CASKIN1: variants seen among roughly 807,000 people sequenced by gnomAD.
CASKIN1 encodes CASK interacting protein 1.
In CASKIN1, 42 loss-of-function variants were observed where a neutral mutation model predicts 117.5. That is an observed-to-expected ratio of 0.36 (90% CI 0.28 to 0.46). The LOEUF (loss-of-function observed/expected upper bound fraction) is 0.46. Among genes scored for constraint, CASKIN1 ranks in the 20% least tolerant of loss-of-function variants. The probability of loss-of-function intolerance (pLI) is 1.00; values close to 1 mark genes in which losing one functional copy is unlikely to be tolerated. For synonymous variants in CASKIN1, 1,148 were observed against 961.7 expected (o/e 1.19, Z -3.59); for missense variants, 2,083 against 2,077.3 (o/e 1.00, Z -0.05).
Position 2,187,161 on chromosome 16 carries a change from C to T in CASKIN1, c.835+5G>A. On this transcript the variant is annotated splice_donor_5th_base_variant and intron_variant, in intron 8 of 19. Coordinates refer to ENST00000343516, the MANE Select transcript of CASKIN1 (RefSeq NM_020764.4). ...CCACTGCCCCTCTGCCCTGCCTGGG[C>T]CCACCTCGCAACAGCTGCTTGATCT... 6.2e-7 allele frequency: 1 copy of T among 1,613,714 alleles called. No individual in the cohort carries two copies. The highest frequency in any genetic ancestry group is 8.5e-7 in the Non-Finnish European group (1 of 1,179,870).
At position 2,185,522 on chromosome 16, in the gene CASKIN1, T is replaced by C. The variant is rs918404848; in HGVS notation, c.1049-114A>G. On this transcript the variant is annotated intron_variant, in intron 10 of 19. Coordinates refer to ENST00000343516, the MANE Select transcript of CASKIN1 (RefSeq NM_020764.4). ...AGCCGGGGGTCCTCTCTGCCCACCA[T>C]TGTCTCCAGGGAGCTGATAGCCCCT... is the stretch of plus-strand genomic sequence containing the variant. 16 of 856,256 alleles carry C rather than the reference T, an allele frequency of 1.9e-5. No homozygotes were observed. In the African/African-American group the frequency reaches 2.2e-4, roughly 12 times the overall value. The allele number at this position is 856,256 out of a possible 1,614,324, so 53.0% of individuals were successfully genotyped here.
chr16:2,195,755 T>C (rs2141333429), intron 1 of CASKIN1, among the ~76,000 whole-genome samples: 1 of 152,294 alleles, frequency 6.6e-6, no homozygotes, highest in Non-Finnish European at 1.5e-5. Context: ...CAGCCTGCCC[T>C]GGGCTGGGCG....
In CASKIN1 at chr16:2,179,736, A is replaced by G. The variant is rs774347976; in HGVS notation, c.3632T>C (p.Leu1211Ser). Residue 1211 changes from leucine (L) to serine (S), a missense_variant, in exon 18 of 20, where the codon TTG becomes TCG. Around this residue, in one of 3 missense-constraint regions of CASKIN1, gnomAD observed 1,818 missense variants for 1,688.9 expected, o/e 1.08. Coordinates refer to ENST00000343516, the MANE Select transcript of CASKIN1 (RefSeq NM_020764.4). This position sits in a 1 kb window ranked among gnomAD's most constrained non-coding sequence, Gnocchi z 5.8. ...CCGGGCTTCGCCCTCGGGCGGGGGCAATGGGGGTAGGTGCGCCAGGTCGGT... is the reference window on the plus strand; with the variant it reads ...CCGGGCTTCGCCCTCGGGCGGGGGCGATGGGGGTAGGTGCGCCAGGTCGGT... The part of the protein sequence containing the change: ...PPTDLAHLPP[L>S]PPPEGEARKP... The G allele has an allele frequency of 6.4e-7, 1 of 1,553,958 alleles. No individual in the cohort carries two copies.
chr16:2,180,436 C>A lies in CASKIN1; in HGVS notation c.2932G>T (p.Gly978Trp). The A allele has an allele frequency of 6.4e-7, 1 of 1,565,344 alleles. No homozygotes were observed. The highest frequency in any genetic ancestry group is 1.2e-5 in the South Asian group (1 of 86,784). Residue 978 changes from glycine (G) to tryptophan (W), a missense_variant, in exon 18 of 20, where the codon GGG becomes TGG. Transcript: ENST00000343516. ...GCCCGCCGGCACTGTGCCCGGACCCCCAGCAGGCCATCCTCAGGCTCGGCG... is the reference window on the plus strand; with the variant it reads ...GCCCGCCGGCACTGTGCCCGGACCCACAGCAGGCCATCCTCAGGCTCGGCG... ...PDAEPEDGLL[G>W]VRAQCRRASD...
chr16:2,194,772 C>A (rs758484190), intron 1 of CASKIN1, among the ~76,000 whole-genome samples: 4 of 152,116 alleles, frequency 2.6e-5, no homozygotes, highest in Non-Finnish European at 4.4e-5. Flanking sequence ...AGAGTGGAAG[C>A]CCCCACACCT....
In CASKIN1 at chr16:2,179,193, G is replaced by A; in HGVS notation, c.3908C>T (p.Pro1303Leu). The change falls in exon 19 of 20, where the codon CCC becomes CTC. Residue 1303 changes from proline (P) to leucine (L), a missense_variant. Physicochemically the swap from Pro to Leu is moderately conservative, Grantham distance 98. Transcript: ENST00000343516. This position sits in a 1 kb window ranked among gnomAD's most constrained non-coding sequence, Gnocchi z 5.8. ...GSAGPSPAPS[P>L]ARQPPAALAK... Reference sequence around the variant, plus strand: ...GAGGGCGGCGGGCGGCTGTCGCGCGGGCGAGGGTGCGGGTGAAGGGCCGGC... The same window carrying A: ...GAGGGCGGCGGGCGGCTGTCGCGCGAGCGAGGGTGCGGGTGAAGGGCCGGC... The A allele has an allele frequency of 1.7e-6, 2 of 1,144,534 alleles. No individual in the cohort carries two copies. The highest frequency in any genetic ancestry group is 2.1e-6 in the Non-Finnish European group (2 of 932,068). The allele number at this position is 1,144,534 out of a possible 1,614,324, so 70.9% of individuals were successfully genotyped here. A position where few individuals can be genotyped will look rare whatever the true frequency, so the allele number is the denominator to read the frequency against.
At chr16:2,183,807 G>A (rs778465186) in intron 15 of CASKIN1, 24 bp downstream of exon 15, 29 of 1,611,170 alleles carry the variant, frequency 1.8e-5, no homozygotes, top group South Asian at 5.5e-5. Context: ...CGCAGCTGGC[G>A]CTGGCGGCGC....
At position 2,180,809 on chromosome 16, in the gene CASKIN1, G is replaced by T. The variant is rs939506196; in HGVS notation, c.2559C>A (p.Pro853=). Residue 853 remains proline (P), a synonymous_variant, in exon 18 of 20, where the codon CCC becomes CCA. Coordinates refer to ENST00000343516, the MANE Select transcript of CASKIN1 (RefSeq NM_020764.4). ...EVGPAAPGPA[P]PPVPTAVPTL... ...TGGGCACAGCCGTCGGCACGGGTGG[G>T]GGCGCAGGCCCCGGGGCAGCCGGCC... The T allele has an allele frequency of 5.0e-6, 7 of 1,397,218 alleles. No homozygotes were observed. The highest frequency in any genetic ancestry group is 6.5e-6 in the Non-Finnish European group (7 of 1,084,300). 86.6% of individuals were successfully genotyped at this position (1,397,218 alleles called of 1,614,324 possible). A position where few individuals can be genotyped will look rare whatever the true frequency, so the allele number is the denominator to read the frequency against.
chr16:2,179,476 C>T lies in CASKIN1; in HGVS notation c.3775+117G>A, dbSNP rs2141309380. On this transcript the variant is annotated intron_variant, in intron 18 of 19. Coordinates refer to ENST00000343516, the MANE Select transcript of CASKIN1 (RefSeq NM_020764.4). The surrounding 1 kb of genome is among the most constrained non-coding windows in gnomAD (Gnocchi z 5.8). The stretch of plus-strand genomic sequence containing the variant: ...GGATGGATGAGAGGGTCTGGGGACA[C>T]GTTCCCACCCCACCTGGGCTTCCAT... The T allele has an allele frequency of 2.2e-6, 3 of 1,386,224 alleles. No homozygotes were observed. The highest frequency in any genetic ancestry group is 2.8e-6 in the Non-Finnish European group (3 of 1,068,658). 85.9% of individuals were successfully genotyped at this position (1,386,224 alleles called of 1,614,324 possible). A position where few individuals can be genotyped will look rare whatever the true frequency, so the allele number is the denominator to read the frequency against.
At chr16:2,192,118 C>T (rs1391567625) in intron 1 of CASKIN1, among the ~76,000 whole-genome samples, 2 of 152,104 alleles carry the variant, frequency 1.3e-5, no homozygotes, top group African/African-American at 4.8e-5. Context: ...ATAGCAAGAC[C>T]TTGTCTCTAC....
chr16:2,194,159 G>A (rs1283437789), intron 1 of CASKIN1, among the ~76,000 whole-genome samples: 1 of 152,210 alleles, frequency 6.6e-6, no homozygotes, highest in African/African-American at 2.4e-5. Flanking sequence ...TAGAAGGTGA[G>A]AGGGGGATGG....
intron 6 of CASKIN1, among the ~76,000 whole-genome samples, chr16:2,188,161 G>A (rs1454907992): frequency 6.7e-6 from 1 of 149,406 alleles, no homozygotes; most frequent in African/African-American, 2.5e-5. Flanking sequence ...TGGGATTGCA[G>A]CATTTTGAAC....
chr16:2,188,802 A>T, intron 6 of CASKIN1: 2 of 586,392 alleles, frequency 3.4e-6, no homozygotes, highest in Non-Finnish European at 5.8e-6. Flanking sequence ...GAGCACACCC[A>T]GGAGCGGTGG....
chr16:2,178,684 C>G lies in CASKIN1; in HGVS notation c.4200-38G>C, dbSNP rs753853475. ...GGGCAAGGGGCGTGAGTGGGCGGGG[C>G]GGGTCTGGCCACGCCCACCCCGACC... On this transcript the variant is annotated intron_variant, in intron 19 of 19. Coordinates refer to ENST00000343516, the MANE Select transcript of CASKIN1 (RefSeq NM_020764.4). 3.0e-5 allele frequency: 45 copies of G among 1,524,044 alleles called. No individual in the cohort carries two copies. The South Asian group carries it at 3.9e-4, about 13-fold the overall frequency. The allele number at this position is 1,524,044 out of a possible 1,614,324, so 94.4% of individuals were successfully genotyped here.
In CASKIN1 at chr16:2,180,286, G is replaced by C; in HGVS notation, c.3082C>G (p.Pro1028Ala). ...TCTGGGCTGGCAGGGCGGGGAGTGGGGTGGCCCTCAGGAGGCCTGCGGGCA... is the reference window on the plus strand; with the variant it reads ...TCTGGGCTGGCAGGGCGGGGAGTGGCGTGGCCCTCAGGAGGCCTGCGGGCA... ...RAARRPPEGHPTPRPASPEPG... is the reference protein window; with the variant it reads ...RAARRPPEGHATPRPASPEPG... The change falls in exon 18 of 20, where the codon CCC becomes GCC. Residue 1028 changes from proline to alanine, a missense_variant. Physicochemically the swap from Pro to Ala is conservative, Grantham distance 27. Coordinates refer to ENST00000343516, the MANE Select transcript of CASKIN1 (RefSeq NM_020764.4). 1.3e-6 allele frequency: 2 copies of C among 1,575,270 alleles called. No individual in the cohort carries two copies. The highest frequency in any genetic ancestry group is 1.7e-6 in the Non-Finnish European group (2 of 1,163,728).
chr16:2,191,725 C>T (rs1362796337), intron 1 of CASKIN1, among the ~76,000 whole-genome samples: 1 of 152,258 alleles, frequency 6.6e-6, no homozygotes, highest in Non-Finnish European at 1.5e-5. Context: ...AGTGGCAATG[C>T]CATCCTTCCT....
intron 14 of CASKIN1, among the ~76,000 whole-genome samples, 172 bp from the exon 15 acceptor site, chr16:2,184,113 G>A (rs1405544415): frequency 6.6e-6 from 1 of 151,782 alleles, no homozygotes; most frequent in Non-Finnish European, 1.5e-5. Context: ...CTCAGTCCGC[G>A]GTCCCGGAGG....
chr16:2,185,387 G>T lies in CASKIN1; in HGVS notation c.1070C>A (p.Pro357Gln), dbSNP rs777408939. ...TGAGCTGCTTCCCTGGGGCAGGCTT[G>T]GTTCAGTGCCTGCTCGGGAACCTGT... ...KRAGSRAGTEPSLPQGSSSSG... is the reference protein window; with the variant it reads ...KRAGSRAGTEQSLPQGSSSSG... The change falls in exon 11 of 20, where the codon CCA becomes CAA. Residue 357 changes from proline (P) to glutamine (Q), a missense_variant. Transcript: ENST00000343516. 9.3e-6 allele frequency: 15 copies of T among 1,610,472 alleles called. No individual in the cohort carries two copies. Among genetic ancestry groups the T allele is most frequent in the Middle Eastern group, 1.6e-4 (1 of 6,070 alleles).
intron 14 of CASKIN1, 137 bp downstream of exon 14, chr16:2,184,640 A>T: frequency 1.6e-6 from 1 of 627,626 alleles, no homozygotes; most frequent in Non-Finnish European, 2.5e-6. Context: ...ACTGACAGAC[A>T]GAGGAGAGGG....
Sources: gnomAD v4.1 joint callset for allele counts (sites outside exome capture counted in the v4.1 genomes callset) on GRCh38, gnomAD v4.1.1 for gene constraint, gnomAD v4.1.1 regional missense constraint, Gnocchi (gnomAD v3.1) non-coding constraint, MANE v1.5 for transcripts, NCBI Gene and HGNC (gene_info 2026-07-23, HGNC 2026-07-21) for gene names.